MAN2B1: variants seen among roughly 807,000 people sequenced by gnomAD.
MAN2B1 encodes the protein lysosomal alpha-mannosidase.
In MAN2B1, 99 loss-of-function variants were observed where a neutral mutation model predicts 127.5. The ratio of observed to expected loss-of-function variants is 0.78; its 90% CI spans 0.66 to 0.92. MAN2B1 has a LOEUF of 0.92. Ranked by LOEUF, MAN2B1 falls within the 40% of genes least tolerant of loss-of-function variation. The pLI, the probability that MAN2B1 is intolerant of heterozygous loss-of-function variation, is 0.00. For synonymous variants in MAN2B1, 573 were observed against 568.8 expected (o/e 1.01, Z -0.11); for missense variants, 1,304 against 1,384.8 (o/e 0.94, Z 0.93).
chr19:12,659,023 A>AT, intron 7 of MAN2B1: 1 of 198,356 alleles, frequency 5.0e-6, no homozygotes, highest in Non-Finnish European at 1.0e-5. Context: ...CACCCGGCTA[A>AT]TTTTTTGCAT....
chr19:12,649,359 G>A lies in MAN2B1; in HGVS notation c.2337C>T (p.Asn779=). The change falls in exon 19 of 24, where the codon AAC becomes AAT. Residue 779 remains asparagine, a synonymous_variant. Transcript: ENST00000456935. ...EPVAGNYYPV[N]TRIYITDGNM... is the part of the protein sequence containing the mutation. ...GAGCTACCGTGATGTAAATCCGGGTGTTGACTGGATAGTAGTTTCCTGCCA... is the reference window on the plus strand; with the variant it reads ...GAGCTACCGTGATGTAAATCCGGGTATTGACTGGATAGTAGTTTCCTGCCA... The A allele has an allele frequency of 3.1e-6, 5 of 1,613,556 alleles. No homozygotes were observed. Among genetic ancestry groups the A allele is most frequent in the Non-Finnish European group, 4.2e-6 (5 of 1,179,760 alleles).
chr19:12,648,418 C>A lies in MAN2B1; in HGVS notation c.2437-16G>T. ...TTCGGTGCACCTGGGGGGAGAGTGG[C>A]CAGGAGGGGGTGAGAGTCGTGGGTT... On this transcript the variant is annotated splice_polypyrimidine_tract_variant and intron_variant, in intron 20 of 23. Transcript: ENST00000456935. The A allele has an allele frequency of 6.3e-7, 1 of 1,597,816 alleles. No homozygotes were observed. The highest frequency in any genetic ancestry group is 1.1e-5 in the South Asian group (1 of 90,566).
intron 4 of MAN2B1, among the ~76,000 whole-genome samples, chr19:12,664,236 C>T (rs2024174730): frequency 6.6e-6 from 1 of 152,140 alleles, no homozygotes; most frequent in Non-Finnish European, 1.5e-5. Context: ...AAAACAAAAA[C>T]AAAAACACGT....
chr19:12,656,372 AG>A, intron 13 of MAN2B1, 198 bp downstream of exon 13: 1 of 538,164 alleles, frequency 1.9e-6, no homozygotes, highest in Non-Finnish European at 3.3e-6. Flanking sequence ...AAAAAAAAAA[AG>A]GGAGGACCAC....
At chr19:12,651,291 C>A (rs995957726) in intron 16 of MAN2B1, among the ~76,000 whole-genome samples, 1 of 152,174 alleles carries the variant, frequency 6.6e-6, no homozygotes, top group Admixed American at 6.5e-5. Flanking sequence ...AGAAAGTGAT[C>A]CAAGTGGTGT....
In MAN2B1 at chr19:12,649,117, G is replaced by A; in HGVS notation, c.2436+19C>T. The A allele has an allele frequency of 6.2e-7, 1 of 1,608,382 alleles. No homozygotes were observed. The highest frequency in any genetic ancestry group is 8.5e-7 in the Non-Finnish European group (1 of 1,176,834). The stretch of plus-strand genomic sequence containing the variant: ...AGGTTGGGAGGACCCTGGCTCGGAT[G>A]GGGCTCTGACCCACTCACCATGAGC... On this transcript the variant is annotated intron_variant, in intron 20 of 23. Transcript: ENST00000456935.
At position 12,666,722 on chromosome 19, in the gene MAN2B1, G is replaced by A; in HGVS notation, c.-21C>T. The A allele has an allele frequency of 6.5e-7, 1 of 1,546,076 alleles. No individual in the cohort carries two copies. The highest frequency in any genetic ancestry group is 8.7e-7 in the Non-Finnish European group (1 of 1,146,028). On this transcript the variant is annotated 5_prime_UTR_variant, in exon 1 of 24. Coordinates refer to ENST00000456935, the MANE Select transcript of MAN2B1 (RefSeq NM_000528.4). ...CCCATGGCTCAGCAGCTTCCTCCTG[G>A]GGTTCCCCGGCCCTGGAAAGGCCGG...
intron 14 of MAN2B1, among the ~76,000 whole-genome samples, chr19:12,654,028 C>CT (rs1229468275): frequency 1.3e-5 from 2 of 150,446 alleles, no homozygotes; most frequent in Non-Finnish European, 3.0e-5. Flanking sequence ...CCAGCCTTTT[C>CT]TTTTTTTCTT....
At chr19:12,652,314 C>T (rs765610194) in intron 15 of MAN2B1, 44 bp from the exon 16 acceptor site, 2 of 1,608,998 alleles carry the variant, frequency 1.2e-6, no homozygotes, top group Middle Eastern at 1.6e-4. Flanking sequence ...GCCCTAGCTC[C>T]ATGCCGAGCA....
At chr19:12,664,056 T>C (rs1318636869) in intron 4 of MAN2B1, among the ~76,000 whole-genome samples, 1 of 152,144 alleles carries the variant, frequency 6.6e-6, no homozygotes, top group Non-Finnish European at 1.5e-5. Context: ...ACGGGCAGAC[T>C]GTCTACAAAA....
At position 12,666,637 on chromosome 19, in the gene MAN2B1, C is replaced by T. The variant is rs766383135; in HGVS notation, c.65G>A (p.Trp22Ter). ...ARGCLDSAGP[W>*]TMSRALRPPL... ...TGGCCGCAGGGCGCGGGACATGGTC[C>T]AGGGGCCTGCTGAGTCCAGGCAGCC... The change falls in exon 1 of 24, where the codon TGG becomes TAG. Residue 22 changes from tryptophan (W) to a stop codon, truncating the protein, a stop_gained. Coordinates refer to ENST00000456935, the MANE Select transcript of MAN2B1 (RefSeq NM_000528.4). LOFTEE classifies it high-confidence loss of function. 29 of 1,554,440 alleles carry T rather than the reference C, an allele frequency of 1.9e-5. No homozygotes were observed. The African/African-American group carries it at 4.0e-4, about 21-fold the overall frequency.
In MAN2B1 at chr19:12,647,609, G is replaced by C; in HGVS notation, c.2665-11C>G. 1 of 1,609,746 alleles carries C rather than the reference G, an allele frequency of 6.2e-7. No homozygotes were observed. The highest frequency in any genetic ancestry group is 8.5e-7 in the Non-Finnish European group (1 of 1,177,342). On this transcript the variant is annotated splice_polypyrimidine_tract_variant and intron_variant, in intron 21 of 23. Transcript: ENST00000456935. The surrounding 1 kb of genome is among the most constrained non-coding windows in gnomAD (Gnocchi z 4.9). ...GCGCAGCCCTGAGAACTGCGGGAGA[G>C]AGGGCGGGGCTGAGTTGGAGAGGGG...
At chr19:12,657,263 C>A in intron 11 of MAN2B1, 183 bp downstream of exon 11, 1 of 708,112 alleles carries the variant, frequency 1.4e-6, no homozygotes, top group Non-Finnish European at 2.5e-6. Context: ...TTCCCCCCTC[C>A]AAAGCCCCGC....
Position 12,664,827 on chromosome 19 carries a change from C to A in MAN2B1, c.595G>T (p.Gly199Cys). 6.2e-7 allele frequency: 1 copy of A among 1,613,760 alleles called. No individual in the cohort carries two copies. Among genetic ancestry groups the A allele is most frequent in the Non-Finnish European group, 8.5e-7 (1 of 1,179,904 alleles). ...PRVAWHIDPFGHSREQASLFA... is the reference protein window; with the variant it reads ...PRVAWHIDPFCHSREQASLFA... ...AGCGAGGCCTGCTCCCGAGAGTGGCCGAAGGGGTCAATGTGCCAGGCCACA... is the reference window on the plus strand; with the variant it reads ...AGCGAGGCCTGCTCCCGAGAGTGGCAGAAGGGGTCAATGTGCCAGGCCACA... The change falls in exon 4 of 24, where the codon GGC (glycine) becomes TGC (cysteine). Residue 199 changes from glycine to cysteine, a missense_variant. By Grantham distance (159) the Gly-to-Cys change is radical. Transcript: ENST00000456935.
intron 14 of MAN2B1, among the ~76,000 whole-genome samples, chr19:12,653,438 C>T (rs926266487): frequency 4.0e-5 from 6 of 151,700 alleles, no homozygotes; most frequent in African/African-American, 7.3e-5. Flanking sequence ...TGAGCCAACA[C>T]GCCTGGCCCC....
chr19:12,660,075 A>T (rs2024066446), intron 7 of MAN2B1, among the ~76,000 whole-genome samples: 2 of 152,090 alleles, frequency 1.3e-5, no homozygotes, highest in South Asian at 4.1e-4. Context: ...ACACTAACAC[A>T]TCTGTGTTGG....
intron 10 of MAN2B1, 95 bp downstream of exon 10, chr19:12,657,954 CAAAAAAAAAAAAAA>C (rs35296973): frequency 4.1e-5 from 20 of 485,778 alleles, no homozygotes; most frequent in South Asian, 2.3e-4. Context: ...GACTCCGTCT[CAAAAAAAAAAAAAA>C]AAAAAAAAAA....
At chr19:12,665,284 G>A in intron 3 of MAN2B1, 68 bp downstream of exon 3, 1 of 1,579,118 alleles carries the variant, frequency 6.3e-7, no homozygotes, top group Non-Finnish European at 8.6e-7. Flanking sequence ...ACAAATCTCA[G>A]AAACCAGAGA....
In MAN2B1 at chr19:12,661,387, G is replaced by C. The variant is rs756296952; in HGVS notation, c.910-11C>G. The stretch of plus-strand genomic sequence containing the variant: ...GCGGTAATACCGGCCCTGCAGGCAA[G>C]AGGGGAGTCCTGAAGCCAGAGGATC... On this transcript the variant is annotated splice_polypyrimidine_tract_variant and intron_variant, in intron 6 of 23. Coordinates refer to ENST00000456935, the MANE Select transcript of MAN2B1 (RefSeq NM_000528.4). 1.3e-6 allele frequency: 2 copies of C among 1,571,254 alleles called. No individual in the cohort carries two copies. Among genetic ancestry groups the C allele is most frequent in the Non-Finnish European group, 1.8e-6 (2 of 1,140,928 alleles).
Sources: allele counts gnomAD v4.1 joint callset (sites outside exome capture counted in the v4.1 genomes callset), GRCh38; gene constraint gnomAD v4.1.1; non-coding constraint Gnocchi (gnomAD v3.1); transcripts MANE v1.5; gene names NCBI Gene and HGNC (gene_info 2026-07-23, HGNC 2026-07-21).